HYDIN: variants seen among roughly 807,000 people sequenced by gnomAD.
The protein encoded by HYDIN is axonemal central pair apparatus protein HYDIN.
In HYDIN, 132 loss-of-function variants were observed where a neutral mutation model predicts 403.9. The ratio of observed to expected loss-of-function variants is 0.33; its 90% CI spans 0.28 to 0.38. The LOEUF is 0.38. Ranked by LOEUF, HYDIN falls within the 10% of genes least tolerant of loss-of-function variation. The probability of loss-of-function intolerance (pLI) is 1.00; values close to 1 mark genes in which losing one functional copy is unlikely to be tolerated. For missense variants in HYDIN, 2,827 were observed against 5,009.5 expected, an observed-to-expected ratio of 0.56 and a Z score of 13.15; for synonymous variants, 1,202 against 1,891.7, an observed-to-expected ratio of 0.64 and a Z score of 9.46.
intron 35 of HYDIN, among the ~76,000 whole-genome samples, chr16:70,972,784 C>T (rs1304800815): frequency 6.6e-6 from 1 of 152,234 alleles, no homozygotes; most frequent in African/African-American, 2.4e-5. Context: ...CTAATACCCT[C>T]AGCAGGGTCT....
At chr16:71,066,750 G>A in intron 15 of HYDIN, 2 of 383,204 alleles carry the variant, frequency 5.2e-6, no homozygotes, top group South Asian at 3.8e-5. Flanking sequence ...CTCAAAAAGA[G>A]AGAGGAGTTG....
At chr16:70,840,583 T>C (rs2037749251) in intron 75 of HYDIN, among the ~76,000 whole-genome samples, 1 of 152,200 alleles carries the variant, frequency 6.6e-6, no homozygotes, top group South Asian at 2.1e-4. Context: ...AATGCTTCAT[T>C]TTACACCTTC....
intron 36 of HYDIN, among the ~76,000 whole-genome samples, chr16:70,967,545 G>T (rs1463109053): frequency 1.3e-5 from 2 of 151,734 alleles, no homozygotes; most frequent in African/African-American, 4.8e-5. Context: ...GCAGTGGCGC[G>T]ATCACAGCTC....
chr16:70,989,779 T>G lies in HYDIN; in HGVS notation c.3865-1267A>C, dbSNP rs181911586. Among the ~76,000 whole-genome samples, 65 of 152,380 alleles carry G rather than the reference T, an allele frequency of 4.3e-4. 1 individual carries two copies. Among genetic ancestry groups the G allele is most frequent in the African/African-American group, 1.5e-3 (63 of 41,600 alleles). On this transcript the variant is annotated intron_variant, in intron 25 of 85. Transcript: ENST00000393567. ...GGTACCCACTGTCCAGTTTCCTATATGTTGAATTTAGTTATTCCTCTTAAT... is the reference window on the plus strand; with the variant it reads ...GGTACCCACTGTCCAGTTTCCTATAGGTTGAATTTAGTTATTCCTCTTAAT...
chr16:71,216,705 G>C (rs546529539), intron 1 of HYDIN, among the ~76,000 whole-genome samples: 1 of 152,154 alleles, frequency 6.6e-6, no homozygotes, highest in Non-Finnish European at 1.5e-5. Flanking sequence ...AATTTGGAAA[G>C]CATCTTTGAA....
chr16:71,168,081 G>A (rs2086305706), intron 5 of HYDIN, among the ~76,000 whole-genome samples: 1 of 152,078 alleles, frequency 6.6e-6, no homozygotes, highest in South Asian at 2.1e-4. Flanking sequence ...GCTTTGGGAG[G>A]CTGAGGTGGG....
chr16:70,944,568 C>T (rs906292552), intron 41 of HYDIN, among the ~76,000 whole-genome samples: 6 of 151,950 alleles, frequency 3.9e-5, no homozygotes, highest in Non-Finnish European at 8.8e-5. Context: ...GCACATGGAG[C>T]CCAGTGGGGC....
chr16:71,059,818 G>A (rs185753740), intron 18 of HYDIN, among the ~76,000 whole-genome samples: 81 of 152,266 alleles, frequency 5.3e-4, no homozygotes, highest in Admixed American at 2.2e-3. Context: ...ATTTTCAACC[G>A]CATGGGGGTT....
intron 23 of HYDIN, among the ~76,000 whole-genome samples, chr16:70,996,821 G>T (rs1170900800): frequency 6.6e-6 from 1 of 151,656 alleles, no homozygotes; most frequent in African/African-American, 2.4e-5. Context: ...ACCAGGGACT[G>T]GTTTCATGGA....
intron 10 of HYDIN, among the ~76,000 whole-genome samples, chr16:71,112,986 A>G (rs2083889391): frequency 6.6e-6 from 1 of 151,238 alleles, no homozygotes; most frequent in Admixed American, 6.6e-5. Context: ...GCAAAGAAGC[A>G]TAGGGAACTT....
At chr16:71,115,335 T>C (rs1337593436) in intron 10 of HYDIN, among the ~76,000 whole-genome samples, 1 of 152,230 alleles carries the variant, frequency 6.6e-6, no homozygotes, top group African/African-American at 2.4e-5. Context: ...TTCACCATGA[T>C]TGTAAGTTTC....
At chr16:70,883,034 G>T (rs1433579041) in intron 59 of HYDIN, 139 bp from the exon 60 acceptor site, 3 of 664,086 alleles carry the variant, frequency 4.5e-6, no homozygotes, top group Non-Finnish European at 8.1e-6. Flanking sequence ...GGGGTGTGAG[G>T]GATGGGAAAC....
intron 85 of HYDIN, 107 bp from the exon 86 acceptor site, chr16:70,808,169 T>A: frequency 1.6e-6 from 2 of 1,254,380 alleles, no homozygotes; most frequent in Non-Finnish European, 2.2e-6. Context: ...CAACTATGTC[T>A]GTGTGAGACT....
At position 70,837,842 on chromosome 16, in the gene HYDIN, G is replaced by A. The variant is rs748465822; in HGVS notation, c.13090C>T (p.Arg4364Cys). ...TTTCCTGGCTTTACCACATCAACAC[G>A]GGAGTTCACCTCGAGGTGAGTGGTG... ...TNTTHLEVNS[R>C]VDVVKPGNTL... Residue 4364 changes from arginine (R) to cysteine (C), a missense_variant, in exon 77 of 86, where the codon CGT becomes TGT. Coordinates refer to ENST00000393567, the MANE Select transcript of HYDIN (RefSeq NM_001270974.2). The A allele has an allele frequency of 5.6e-6, 9 of 1,613,824 alleles. No homozygotes were observed. Among genetic ancestry groups the A allele is most frequent in the East Asian group, 2.2e-5 (1 of 44,892 alleles).
At chr16:71,024,924 T>G (rs1368011222) in intron 21 of HYDIN, among the ~76,000 whole-genome samples, 1 of 152,232 alleles carries the variant, frequency 6.6e-6, no homozygotes, top group Non-Finnish European at 1.5e-5. Context: ...TAACAGAACC[T>G]GCTGCATACG....
At chr16:71,200,190 C>T (rs1259609620) in intron 1 of HYDIN, among the ~76,000 whole-genome samples, 1 of 152,226 alleles carries the variant, frequency 6.6e-6, no homozygotes, top group Non-Finnish European at 1.5e-5. Flanking sequence ...CCTTGTTTAG[C>T]AAATCATCAA....
In HYDIN at chr16:71,062,110, C is replaced by T. The variant is rs1304504139; in HGVS notation, c.2376+59G>A. ...GGTGTGGGCCTCAAATGAGAAAGCTCAAAATGTTTGAGAAGAAGCACAGCA... is the reference window on the plus strand; with the variant it reads ...GGTGTGGGCCTCAAATGAGAAAGCTTAAAATGTTTGAGAAGAAGCACAGCA... On this transcript the variant is annotated intron_variant, in intron 17 of 85. Coordinates refer to ENST00000393567, the MANE Select transcript of HYDIN (RefSeq NM_001270974.2). The T allele has an allele frequency of 9.2e-6, 10 of 1,084,350 alleles. No individual in the cohort carries two copies. The East Asian group carries it at 2.2e-4, about 24-fold the overall frequency. The allele number at this position is 1,084,350 out of a possible 1,614,324, so 67.2% of individuals were successfully genotyped here. A position where few individuals can be genotyped will look rare whatever the true frequency, so the allele number is the denominator to read the frequency against.
intron 73 of HYDIN, among the ~76,000 whole-genome samples, chr16:70,851,517 C>T (rs373018592): frequency 6.7e-6 from 1 of 148,242 alleles, no homozygotes; most frequent in Non-Finnish European, 1.5e-5. Context: ...AAGTCAAAAC[C>T]ACAATGAGAT....
At chr16:71,009,429 C>T (rs1046654087) in intron 23 of HYDIN, among the ~76,000 whole-genome samples, 4 of 149,498 alleles carry the variant, frequency 2.7e-5, no homozygotes, top group Non-Finnish European at 5.9e-5. Flanking sequence ...CCGTTGCTTA[C>T]AACCAAAGCT....
Sources: gnomAD v4.1 joint callset for allele counts (sites outside exome capture counted in the v4.1 genomes callset) on GRCh38, gnomAD v4.1.1 for gene constraint, MANE v1.5 for transcripts, NCBI Gene and HGNC (gene_info 2026-07-23, HGNC 2026-07-21) for gene names.